The following GRIN2A variants were observed in gnomAD, a reference collection of about 807,000 sequenced individuals.
The protein encoded by GRIN2A is glutamate receptor ionotropic, NMDA 2A.
In GRIN2A, 22 loss-of-function variants were observed where a neutral mutation model predicts 113.4. The observed-to-expected ratio is 0.19, with a 90% CI of 0.14 to 0.28. GRIN2A has a LOEUF of 0.28. GRIN2A is among the 10% of genes least tolerant of loss of function. GRIN2A has a pLI of 1.00. For missense variants in GRIN2A, 1,502 were observed against 1,887.0 expected (o/e 0.80, Z 3.78); for synonymous variants, 827 against 738.4 (o/e 1.12, Z -1.94).
At position 10,110,105 on chromosome 16, in the gene GRIN2A, T is replaced by C. The variant is rs1409317477; in HGVS notation, c.414+69893A>G. ...TGTGATGTTCCCCTTCCTGTGTCCATGTGTTCTCATTGTTATTAAATAAAA... is the reference window on the plus strand; with the variant it reads ...TGTGATGTTCCCCTTCCTGTGTCCACGTGTTCTCATTGTTATTAAATAAAA... On this transcript the variant is annotated intron_variant, in intron 2 of 12. Transcript: ENST00000330684. Among the ~76,000 whole-genome samples the C allele has an allele frequency of 2.7e-5, 4 of 146,506 alleles. No homozygotes were observed. The South Asian group carries it at 9.3e-4, about 34-fold the overall frequency.
At chr16:9,906,344 G>C (rs1252347366) in intron 3 of GRIN2A, among the ~76,000 whole-genome samples, 1 of 152,126 alleles carries the variant, frequency 6.6e-6, no homozygotes, top group Admixed American at 6.5e-5. Context: ...TCCCAGTAAA[G>C]TCTTGTGATT....
intron 2 of GRIN2A, among the ~76,000 whole-genome samples, chr16:9,995,024 G>A (rs998942393): frequency 6.6e-5 from 10 of 152,190 alleles, no homozygotes; most frequent in African/African-American, 1.9e-4. Context: ...GTCCAGGGAC[G>A]AGCTGAAGAA....
At chr16:10,105,867 A>C (rs1305885153) in intron 2 of GRIN2A, among the ~76,000 whole-genome samples, 1 of 152,258 alleles carries the variant, frequency 6.6e-6, no homozygotes. Context: ...AGATCGTGCC[A>C]CTGCACGCCA....
chr16:9,883,757 C>T (rs1047062365), intron 4 of GRIN2A, among the ~76,000 whole-genome samples: 18 of 152,186 alleles, frequency 1.2e-4, no homozygotes, highest in Non-Finnish European at 2.2e-4. Flanking sequence ...GGCCGTGAGA[C>T]AGATCTGGGC....
chr16:9,963,235 A>G (rs993217832), intron 2 of GRIN2A, among the ~76,000 whole-genome samples: 1 of 151,970 alleles, frequency 6.6e-6, no homozygotes, highest in Middle Eastern at 3.4e-3. Flanking sequence ...AAACCTGCAC[A>G]TTGTGCACAT....
Position 9,764,168 on chromosome 16 carries a change from G to C in GRIN2A, c.3376C>G (p.Pro1126Ala), listed in dbSNP as rs767974762. The C allele has an allele frequency of 6.2e-7, 1 of 1,613,452 alleles. No individual in the cohort carries two copies. The highest frequency in any genetic ancestry group is 8.5e-7 in the Non-Finnish European group (1 of 1,179,540). Residue 1126 changes from proline (P) to alanine (A), a missense_variant, in exon 13 of 13, where the codon CCT becomes GCT. This residue lies in a region of GRIN2A where 832 missense variants were observed against 789.7 expected (regional missense o/e 1.05). Transcript: ENST00000330684. ...KIYTIDGEKEPGFHLDPPQFV... is the reference protein window; with the variant it reads ...KIYTIDGEKEAGFHLDPPQFV... ...TGGGGTGGATCTAAGTGGAAACCAG[G>C]CTCCTTCTCACCATCTATAGTGTAG...
chr16:9,781,388 T>C (rs1288371219), intron 11 of GRIN2A, among the ~76,000 whole-genome samples: 1 of 152,140 alleles, frequency 6.6e-6, no homozygotes, highest in African/African-American at 2.4e-5. Context: ...TGAGACAGGG[T>C]CTTGTTCTGT....
rs369878342 is a variant in GRIN2A, at chr16:9,764,039, G to T, written c.3505C>A (p.Arg1169=). The change falls in exon 13 of 13, where the codon CGG becomes AGG. Residue 1169 remains arginine, a synonymous_variant. Transcript: ENST00000330684. ...RKGDSTLPMN[R]NPLHNEEGLS... is the part of the protein sequence containing the mutation. ...CCCTCTTCATTATGCAAGGGGTTCCGGTTCATTGGCAGCGTGGAGTCCCCC... is the reference window on the plus strand; with the variant it reads ...CCCTCTTCATTATGCAAGGGGTTCCTGTTCATTGGCAGCGTGGAGTCCCCC... 3 of 1,614,000 alleles carry T rather than the reference G, an allele frequency of 1.9e-6. No individual in the cohort carries two copies. Among genetic ancestry groups the T allele is most frequent in the Non-Finnish European group, 2.5e-6 (3 of 1,179,880 alleles).
chr16:9,852,790 C>G (rs1368060092), intron 4 of GRIN2A, among the ~76,000 whole-genome samples: 1 of 152,174 alleles, frequency 6.6e-6, no homozygotes, highest in Non-Finnish European at 1.5e-5. Context: ...TGCCTATATT[C>G]CTATTTACAA....
intron 2 of GRIN2A, among the ~76,000 whole-genome samples, chr16:10,107,737 G>T (rs1250821728): frequency 6.6e-6 from 1 of 152,226 alleles, no homozygotes; most frequent in African/African-American, 2.4e-5. Context: ...GGGCCAGATT[G>T]TTGAAGCCAT....
chr16:9,903,879 A>T (rs1008284285), intron 3 of GRIN2A, among the ~76,000 whole-genome samples: 4 of 152,350 alleles, frequency 2.6e-5, no homozygotes, highest in Non-Finnish European at 5.9e-5. Flanking sequence ...GATGAAGCTG[A>T]TATGAAGGGT....
chr16:10,155,494 C>T (rs2049671172), intron 2 of GRIN2A, among the ~76,000 whole-genome samples: 1 of 152,148 alleles, frequency 6.6e-6, no homozygotes, highest in African/African-American at 2.4e-5. Flanking sequence ...AGTGGACATC[C>T]CTTCTACAGT....
intron 2 of GRIN2A, among the ~76,000 whole-genome samples, chr16:10,056,994 A>G (rs996776383): frequency 1.3e-5 from 2 of 151,914 alleles, no homozygotes; most frequent in African/African-American, 4.8e-5. Context: ...CTTCTCAACT[A>G]TACAACCCTC....
At chr16:9,773,083 C>A (rs1901378311) in intron 11 of GRIN2A, among the ~76,000 whole-genome samples, 2 of 152,124 alleles carry the variant, frequency 1.3e-5, no homozygotes, top group South Asian at 4.1e-4. Context: ...TTAATTTACT[C>A]AAGTATATTG....
At chr16:10,058,807 G>A (rs1399176577) in intron 2 of GRIN2A, among the ~76,000 whole-genome samples, 1 of 152,186 alleles carries the variant, frequency 6.6e-6, no homozygotes, top group Non-Finnish European at 1.5e-5. Flanking sequence ...AATATGGTTA[G>A]TGCTAGCAAT....
chr16:10,124,120 A>T (rs1202646463), intron 2 of GRIN2A, among the ~76,000 whole-genome samples: 2 of 152,138 alleles, frequency 1.3e-5, no homozygotes, highest in Non-Finnish European at 1.5e-5. Context: ...TTAGGTTGTT[A>T]AAAAAGCGAG....
At chr16:9,878,348 T>C (rs543699059) in intron 4 of GRIN2A, among the ~76,000 whole-genome samples, 31 of 152,354 alleles carry the variant, frequency 2.0e-4, no homozygotes, top group African/African-American at 6.7e-4. Flanking sequence ...AACATGAGGA[T>C]AGAAATAATT....
intron 4 of GRIN2A, among the ~76,000 whole-genome samples, chr16:9,854,202 C>T (rs930146791): frequency 6.6e-6 from 1 of 151,960 alleles, no homozygotes; most frequent in African/African-American, 2.4e-5. Context: ...TCCATATGTG[C>T]CTCAGCTTTG....
At chr16:10,111,863 G>C (rs779247867) in intron 2 of GRIN2A, 2 of 1,002,116 alleles carry the variant, frequency 2.0e-6, no homozygotes, top group Non-Finnish European at 3.1e-6. Context: ...ATCTCCTCCC[G>C]AGACATCAAC....
Sources: gnomAD v4.1 joint callset for allele counts (sites outside exome capture counted in the v4.1 genomes callset) on GRCh38, gnomAD v4.1.1 for gene constraint, gnomAD v4.1.1 regional missense constraint, MANE v1.5 for transcripts, NCBI Gene and HGNC (gene_info 2026-07-23, HGNC 2026-07-21) for gene names.